The following ZSCAN25 variants were observed in gnomAD, a reference collection of about 807,000 sequenced individuals.
The protein encoded by ZSCAN25 is zinc finger and SCAN domain-containing protein 25.
ZSCAN25 carries 27 observed loss-of-function variants against 38.7 expected under a neutral mutation model. That is an observed-to-expected ratio of 0.70 (90% CI 0.51 to 0.96). ZSCAN25 has a LOEUF of 0.96. Ranked by LOEUF, ZSCAN25 falls within the 40% of genes least tolerant of loss-of-function variation. The pLI, the probability that ZSCAN25 is intolerant of heterozygous loss-of-function variation, is 0.00. For synonymous variants in ZSCAN25, 273 were observed against 277.7 expected, an observed-to-expected ratio of 0.98 and a Z score of 0.17; for missense variants, 637 against 705.9, an observed-to-expected ratio of 0.90 and a Z score of 1.11.
the ZSCAN25 span, chr7:99,722,244 T>A: frequency 6.2e-7 from 1 of 1,610,394 alleles, no homozygotes; most frequent in Non-Finnish European, 8.5e-7. Flanking sequence ...TGCAGTGGGG[T>A]AAACTCATCA....
Position 99,621,535 on chromosome 7 carries a change from CA to C in ZSCAN25, c.551del (p.Gln184ArgfsTer27). 1 of 1,542,632 alleles carries C rather than the reference CA, an allele frequency of 6.5e-7. No homozygotes were observed. Among genetic ancestry groups the C allele is most frequent in the African/African-American group, 1.4e-5 (1 of 73,118 alleles). ...CCCAGGTACCGAGGAGCAGCTCAGTCAGGACCCTGGAGATGAGACACGGGCC... is the reference window on the plus strand; with the variant it reads ...CCCAGGTACCGAGGAGCAGCTCAGTCGGACCCTGGAGATGAGACACGGGCC... ...PDPGTEEQLS[Q>X]DPGDETRAFQ... On this transcript the variant is annotated frameshift_variant, in exon 5 of 8. Coordinates refer to ENST00000394152, the MANE Select transcript of ZSCAN25 (RefSeq NM_145115.3). LOFTEE classifies it high-confidence loss of function.
the ZSCAN25 span, chr7:99,666,472 T>A: frequency 1.0e-6 from 1 of 1,003,304 alleles, no homozygotes; most frequent in East Asian, 2.5e-5. Context: ...GGTGGCTCTT[T>A]GGAGTTGCAG....
At chr7:99,734,936 C>A in the ZSCAN25 span, 2 of 1,592,846 alleles carry the variant, frequency 1.3e-6, no homozygotes, top group Non-Finnish European at 1.7e-6. Context: ...ATCCTTTTTG[C>A]TATTCAAAAC....
At chr7:99,664,494 T>C in the ZSCAN25 span, among the ~76,000 whole-genome samples, 1 of 152,196 alleles carries the variant, frequency 6.6e-6, no homozygotes, top group Non-Finnish European at 1.5e-5. Flanking sequence ...TCAACTTCCA[T>C]GGAATAAAAC....
chr7:99,708,351 A>C, the ZSCAN25 span, among the ~76,000 whole-genome samples: 1 of 152,306 alleles, frequency 6.6e-6, no homozygotes, highest in Non-Finnish European at 1.5e-5. Flanking sequence ...GTTGGTCATG[A>C]GGAAGGAGAA....
At chr7:99,636,450 T>C (rs563026282), downstream of ZSCAN25, among the ~76,000 whole-genome samples, 1 of 152,328 alleles carries the variant, frequency 6.6e-6, no homozygotes, top group Admixed American at 6.5e-5. Context: ...AGTTCATTTT[T>C]TTTATAGTCT....
At chr7:99,646,797 T>TACACACACAC in the ZSCAN25 span, among the ~76,000 whole-genome samples, 117 of 142,168 alleles carry the variant, frequency 8.2e-4, 1 homozygote, top group African/African-American at 2.5e-3. Flanking sequence ...ATATGTTTTA[T>TACACACACAC]ACACACACAC....
chr7:99,708,996 G>C, the ZSCAN25 span: 1 of 1,602,964 alleles, frequency 6.2e-7, no homozygotes, highest in Non-Finnish European at 8.5e-7. Flanking sequence ...CTTGAACCAG[G>C]CTGGTTCAGG....
chr7:99,720,634 G>A, the ZSCAN25 span: 1 of 487,298 alleles, frequency 2.1e-6, no homozygotes. Context: ...GCCAAACAGG[G>A]AAGAGAGATT....
the ZSCAN25 span, chr7:99,717,593 T>G: frequency 1.9e-6 from 3 of 1,613,748 alleles, no homozygotes; most frequent in Non-Finnish European, 2.5e-6. Context: ...TTCTTCATCC[T>G]CAGCTATAGA....
chr7:99,705,400 C>G, the ZSCAN25 span: 3 of 1,316,442 alleles, frequency 2.3e-6, no homozygotes, highest in African/African-American at 4.4e-5. Context: ...TTGGATGAAG[C>G]CCGTCTTCAT....
the ZSCAN25 span, among the ~76,000 whole-genome samples, chr7:99,668,652 G>A: frequency 6.6e-6 from 1 of 152,288 alleles, no homozygotes; most frequent in Non-Finnish European, 1.5e-5. Flanking sequence ...GAAATTAAAA[G>A]CCATTAAAAT....
the ZSCAN25 span, among the ~76,000 whole-genome samples, chr7:99,681,168 G>A: frequency 1.1e-4 from 16 of 152,156 alleles, no homozygotes; most frequent in African/African-American, 3.9e-4. Flanking sequence ...GTGCTCCATT[G>A]TGTATAATTG....
chr7:99,627,642 G>A (rs958911655), intron 7 of ZSCAN25, among the ~76,000 whole-genome samples: 31 of 149,934 alleles, frequency 2.1e-4, no homozygotes, highest in South Asian at 8.5e-4. Context: ...ATGTGTTCCC[G>A]TTGGTATAGT....
chr7:99,649,952 C>T, the ZSCAN25 span: 1 of 1,258,146 alleles, frequency 7.9e-7, no homozygotes, highest in African/African-American at 1.5e-5. Context: ...AAAGATGGAT[C>T]CAAGTAGGTT....
chr7:99,697,089 G>T, the ZSCAN25 span, among the ~76,000 whole-genome samples: 1 of 152,150 alleles, frequency 6.6e-6, no homozygotes, highest in East Asian at 1.9e-4. Flanking sequence ...CCCAGCCTCA[G>T]GTATTTCTTT....
the ZSCAN25 span, among the ~76,000 whole-genome samples, chr7:99,665,797 A>G: frequency 1.3e-5 from 2 of 152,216 alleles, no homozygotes; most frequent in African/African-American, 4.8e-5. Flanking sequence ...TCCTAGAAAT[A>G]TCATCCTTTA....
the ZSCAN25 span, among the ~76,000 whole-genome samples, chr7:99,736,232 G>A: frequency 1.3e-5 from 2 of 152,190 alleles, no homozygotes; most frequent in African/African-American, 2.4e-5. Flanking sequence ...GAAGAGAAGA[G>A]AACAGCTGCC....
In ZSCAN25 at chr7:99,629,141, A is replaced by G. The variant is rs762182387; in HGVS notation, c.806-50A>G. 6 of 1,534,524 alleles carry G rather than the reference A, an allele frequency of 3.9e-6. No individual in the cohort carries two copies. The highest frequency in any genetic ancestry group is 3.9e-5 in the South Asian group (3 of 77,728). On this transcript the variant is annotated intron_variant, in intron 7 of 7. Coordinates refer to ENST00000394152, the MANE Select transcript of ZSCAN25 (RefSeq NM_145115.3). This position sits in a 1 kb window ranked among gnomAD's most constrained non-coding sequence, Gnocchi z 5.6. ...TGTGAAGCAGAGTTCTAACATGTAA[A>G]TGTCCTGCGGCTACCACAGAATCAA...
Sources: gnomAD v4.1 joint callset for allele counts (sites outside exome capture counted in the v4.1 genomes callset) on GRCh38, gnomAD v4.1.1 for gene constraint, Gnocchi (gnomAD v3.1) non-coding constraint, MANE v1.5 for transcripts, NCBI Gene and HGNC (gene_info 2026-07-23, HGNC 2026-07-21) for gene names.